Variants in PSTPIP2 observed in about 807,000 individuals in gnomAD.
PSTPIP2 encodes the protein proline-serine-threonine phosphatase-interacting protein 2.
In PSTPIP2, 33 loss-of-function variants were observed where a neutral mutation model predicts 63.3. That is an observed-to-expected ratio of 0.52 (90% CI 0.40 to 0.70). The LOEUF (loss-of-function observed/expected upper bound fraction) is 0.70. Among genes scored for constraint, PSTPIP2 ranks in the 30% least tolerant of loss-of-function variants. The pLI is 0.00. For missense variants in PSTPIP2, 312 were observed against 400.7 expected (o/e 0.78, Z 1.89); for synonymous variants, 125 against 132.7 (o/e 0.94, Z 0.40).
intron 3 of PSTPIP2, among the ~76,000 whole-genome samples, chr18:46,017,310 G>T (rs1353307924): frequency 2.0e-5 from 3 of 152,072 alleles, no homozygotes; most frequent in Non-Finnish European, 2.9e-5. Flanking sequence ...ACTCTTTCTG[G>T]ATGCCTTTAG....
At chr18:46,068,193 AT>A (rs1242455844) in intron 1 of PSTPIP2, among the ~76,000 whole-genome samples, 13 of 152,340 alleles carry the variant, frequency 8.5e-5, no homozygotes, top group South Asian at 2.1e-4. Context: ...TATATTAGGT[AT>A]TATAAGCAAT....
At position 45,990,424 on chromosome 18, in the gene PSTPIP2, T is replaced by G. The variant is rs199624591; in HGVS notation, c.955+298A>C. ...GAATTTCGTGGGTTTTTTGGGGTTT[T>G]TTTGTTTGTTTGTTTGTTTGTTTGT... On this transcript the variant is annotated intron_variant, in intron 13 of 14. Transcript: ENST00000409746. Among the ~76,000 whole-genome samples the G allele has an allele frequency of 8.6e-5, 13 of 151,540 alleles. No homozygotes were observed. The East Asian group carries it at 2.5e-3, about 30-fold the overall frequency.
intron 1 of PSTPIP2, among the ~76,000 whole-genome samples, chr18:46,048,386 T>G (rs1908458264): frequency 6.6e-6 from 1 of 152,216 alleles, no homozygotes; most frequent in South Asian, 2.1e-4. Context: ...ACTTATGACC[T>G]CCAGAACCAT....
At chr18:45,999,583 C>T (rs1308805343) in intron 6 of PSTPIP2, 49 bp from the exon 7 acceptor site, 1 of 1,595,598 alleles carries the variant, frequency 6.3e-7, no homozygotes, top group South Asian at 1.1e-5. Context: ...CAGAGTGTAA[C>T]CATGAAATGC....
intron 5 of PSTPIP2, among the ~76,000 whole-genome samples, chr18:46,008,361 C>T (rs1023089810): frequency 3.8e-4 from 58 of 151,858 alleles, no homozygotes; most frequent in Admixed American, 9.8e-4. Flanking sequence ...CTCTGTTGCC[C>T]AGGCTGGAGT....
intron 1 of PSTPIP2, among the ~76,000 whole-genome samples, chr18:46,053,585 A>G (rs557922001): frequency 1.4e-4 from 22 of 152,352 alleles, no homozygotes; most frequent in Admixed American, 9.8e-4. Flanking sequence ...ATGACATTCA[A>G]TTCAGCCAGA....
Position 46,001,954 on chromosome 18 carries a change from C to G in PSTPIP2, c.418-2420G>C, listed in dbSNP as rs76765796. On this transcript the variant is annotated intron_variant, in intron 6 of 14. Transcript: ENST00000409746. ...TAATTAAGTGATTATTGACTATAAT[C>G]ACCATATCATGCTATCATCCCCTTC... is the stretch of plus-strand genomic sequence containing the variant. 2.9e-3 allele frequency among the ~76,000 whole-genome samples: 434 copies of G among 152,258 alleles called. 16 individuals are homozygous for G. In the East Asian group the frequency reaches 0.065, roughly 23 times the overall value.
At chr18:46,049,355 G>A (rs1908502083) in intron 1 of PSTPIP2, among the ~76,000 whole-genome samples, 1 of 151,690 alleles carries the variant, frequency 6.6e-6, no homozygotes, top group South Asian at 2.1e-4. Context: ...AATGACTAAT[G>A]GGTACTAGAC....
At chr18:45,995,434 T>C (rs991163406) in intron 9 of PSTPIP2, among the ~76,000 whole-genome samples, 2 of 152,230 alleles carry the variant, frequency 1.3e-5, no homozygotes, top group Non-Finnish European at 2.9e-5. Flanking sequence ...TATATGTATC[T>C]GTATATGTAC....
intron 5 of PSTPIP2, among the ~76,000 whole-genome samples, chr18:46,006,475 G>A (rs116768944): frequency 0.033 from 4,922 of 148,338 alleles, 262 homozygotes; most frequent in African/African-American, 0.12. Context: ...GGTTTCAAGC[G>A]AGTCTCCTGC....
chr18:46,010,314 G>A (rs2051781525), intron 5 of PSTPIP2, among the ~76,000 whole-genome samples: 1 of 152,216 alleles, frequency 6.6e-6, no homozygotes, highest in African/African-American at 2.4e-5. Flanking sequence ...GGGACCCCCG[G>A]GCAGGGTGAA....
At chr18:46,028,919 TGAA>T in intron 2 of PSTPIP2, 1 of 1,478,118 alleles carries the variant, frequency 6.8e-7, no homozygotes, top group Middle Eastern at 1.7e-4. Flanking sequence ...ATCCTGAAGA[TGAA>T]GAACTGCCAG....
chr18:46,044,494 T>C (rs570567792), intron 1 of PSTPIP2, among the ~76,000 whole-genome samples: 1 of 152,282 alleles, frequency 6.6e-6, no homozygotes, highest in Admixed American at 6.5e-5. Flanking sequence ...TTACACCTTA[T>C]ACAAAAATTA....
chr18:46,029,940 C>G (rs987022027), intron 2 of PSTPIP2: 2 of 237,734 alleles, frequency 8.4e-6, no homozygotes, highest in African/African-American at 4.7e-5. Context: ...CATGGAGAAA[C>G]CCCATCTCTA....
intron 9 of PSTPIP2, among the ~76,000 whole-genome samples, chr18:45,997,439 C>T (rs1277212220): frequency 1.3e-5 from 2 of 152,100 alleles, no homozygotes; most frequent in Non-Finnish European, 2.9e-5. Context: ...CCACCCACCT[C>T]GGCCTCCCAA....
intron 1 of PSTPIP2, among the ~76,000 whole-genome samples, chr18:46,056,700 C>G (rs556465724): frequency 6.6e-6 from 1 of 152,312 alleles, no homozygotes; most frequent in South Asian, 2.1e-4. Flanking sequence ...GCACTCCAGC[C>G]TGGGCAGAAG....
intron 1 of PSTPIP2, among the ~76,000 whole-genome samples, chr18:46,067,277 C>T (rs992924681): frequency 7.9e-5 from 12 of 151,712 alleles, no homozygotes; most frequent in Non-Finnish European, 1.2e-4. Flanking sequence ...CCGAGGCGGG[C>T]GGATCACGAG....
intron 3 of PSTPIP2, among the ~76,000 whole-genome samples, chr18:46,024,200 C>G (rs1907493959): frequency 6.6e-6 from 1 of 151,936 alleles, no homozygotes; most frequent in South Asian, 2.1e-4. Flanking sequence ...TGCTGTGGCA[C>G]AATCTCTGCT....
Position 45,991,945 on chromosome 18 carries a change from T to A in PSTPIP2, c.877A>T (p.Asn293Tyr), listed in dbSNP as rs2144059404. 1 of 1,613,804 alleles carries A rather than the reference T, an allele frequency of 6.2e-7. No individual in the cohort carries two copies. Among genetic ancestry groups the A allele is most frequent in the East Asian group, 2.2e-5 (1 of 44,880 alleles). ...GTAGCCTTTCCTGCTGGGACTGCAT[T>A]CTTCTGGGAGGAGTAGAAATTCTCA... ...MYENFYSSQKNAVPAGKATGP... is the reference protein window; with the variant it reads ...MYENFYSSQKYAVPAGKATGP... Residue 293 changes from asparagine (N) to tyrosine (Y), a missense_variant, in exon 12 of 15, where the codon AAT becomes TAT. Transcript: ENST00000409746.
Sources: gnomAD v4.1 joint callset for allele counts (sites outside exome capture counted in the v4.1 genomes callset) on GRCh38, gnomAD v4.1.1 for gene constraint, MANE v1.5 for transcripts, NCBI Gene and HGNC (gene_info 2026-07-23, HGNC 2026-07-21) for gene names.